Variants in ZNF667 observed in about 807,000 individuals in gnomAD.
ZNF667 encodes the protein zinc finger protein 667, also known as myocardial ischemic preconditioning upregulated 1 ortholog.
In ZNF667, 13 loss-of-function variants were observed where a neutral mutation model predicts 31.8. The ratio of observed to expected loss-of-function variants is 0.41; its 90% CI spans 0.27 to 0.65. ZNF667 has a LOEUF of 0.65. ZNF667 is among the 30% of genes least tolerant of loss of function. ZNF667 has a pLI of 0.32. For synonymous variants in ZNF667, 228 were observed against 247.1 expected (o/e 0.92, Z 0.73); for missense variants, 642 against 725.6 (o/e 0.88, Z 1.32).
rs146784843 is a variant in ZNF667, at chr19:56,462,409, C to CAG, written c.-41_-40dup. ...TTTAGGGTCCACACTGAGAGATGGG[C>CAG]AGAGAGCTGGTAAGGCAGGGCTGTG... On this transcript the variant is annotated 5_prime_UTR_variant, in exon 4 of 7. Transcript: ENST00000504904. 9.6e-3 allele frequency: 15,528 copies of CAG among 1,613,710 alleles called. 172 individuals are homozygous for CAG. Among genetic ancestry groups the CAG allele is most frequent in the Admixed American group, 0.041 (2,486 of 60,016 alleles).
intron 6 of ZNF667, among the ~76,000 whole-genome samples, chr19:56,450,823 G>A (rs2042806740): frequency 6.6e-6 from 1 of 151,964 alleles, no homozygotes; most frequent in Non-Finnish European, 1.5e-5. Flanking sequence ...TGGGTTATAA[G>A]ATATTATTTA....
chr19:56,450,449 C>G (rs1309948469), intron 6 of ZNF667, among the ~76,000 whole-genome samples: 1 of 152,122 alleles, frequency 6.6e-6, no homozygotes, highest in African/African-American at 2.4e-5. Flanking sequence ...AACACCAGAC[C>G]TCTCCTACAA....
At chr19:56,444,277 G>A (rs2042677401) in intron 6 of ZNF667, 1 of 398,462 alleles carries the variant, frequency 2.5e-6, no homozygotes, top group African/African-American at 2.1e-5. Context: ...AGGCCTCAGT[G>A]AGCTCTTACT....
intron 6 of ZNF667, among the ~76,000 whole-genome samples, chr19:56,452,298 C>T (rs1427306829): frequency 2.6e-5 from 4 of 152,102 alleles, no homozygotes; most frequent in African/African-American, 4.8e-5. Flanking sequence ...GATCCGCCCA[C>T]CTCGGCCTCC....
chr19:56,441,669 A>C lies in ZNF667; in HGVS notation c.1326T>G (p.Pro442=), dbSNP rs748296008. Residue 442 remains proline (P), a synonymous_variant, in exon 7 of 7, where the codon CCT becomes CCG. Transcript: ENST00000504904. The surrounding 1 kb of genome is among the most constrained non-coding windows in gnomAD (Gnocchi z 4.2). The part of the protein sequence containing the change: ...IHQNIHSEEK[P]FKCNKCSKVF... The stretch of plus-strand genomic sequence containing the variant: ...CTTTACTACATTTATTGCATTTGAA[A>C]GGTTTCTCTTCAGAATGAATATTCT... The C allele has an allele frequency of 6.2e-7, 1 of 1,613,950 alleles. No individual in the cohort carries two copies. Among genetic ancestry groups the C allele is most frequent in the African/African-American group, 1.3e-5 (1 of 74,892 alleles).
intron 6 of ZNF667, 106 bp from the exon 7 acceptor site, chr19:56,442,847 A>T: frequency 7.3e-7 from 1 of 1,362,326 alleles, no homozygotes; most frequent in Non-Finnish European, 9.6e-7. Context: ...AACAATTATG[A>T]TTACCAAAAC....
At chr19:56,464,687 CTTT>C (rs2043121925) in intron 3 of ZNF667, among the ~76,000 whole-genome samples, 1 of 152,162 alleles carries the variant, frequency 6.6e-6, no homozygotes, top group African/African-American at 2.4e-5. Context: ...AAAACAGCTT[CTTT>C]ATGTGGGTGT....
At chr19:56,449,692 A>G (rs903854802) in intron 6 of ZNF667, 7 of 152,084 alleles carry the variant, frequency 4.6e-5, no homozygotes, top group African/African-American at 1.7e-4. Context: ...CTCAAAAAAA[A>G]AAAAAAAAAA....
chr19:56,442,524 G>C lies in ZNF667; in HGVS notation c.471C>G (p.Phe157Leu). ...NDCGKTFSRS[F>L]SLKLHQNIHT... ...GAATGTTCTGATGAAGTTTAAGAGA[G>C]AAGCTTCGACTAAAGGTTTTACCAC... Residue 157 changes from phenylalanine (F) to leucine (L), a missense_variant, in exon 7 of 7, where the codon TTC becomes TTG. By Grantham distance (22) the Phe-to-Leu change is conservative. Coordinates refer to ENST00000504904, the MANE Select transcript of ZNF667 (RefSeq NM_001321356.2). The C allele has an allele frequency of 6.2e-6, 10 of 1,613,742 alleles. No homozygotes were observed. Among genetic ancestry groups the C allele is most frequent in the Non-Finnish European group, 8.5e-6 (10 of 1,179,880 alleles).
At chr19:56,470,502 G>A (rs916054475) in intron 3 of ZNF667, among the ~76,000 whole-genome samples, 2 of 152,104 alleles carry the variant, frequency 1.3e-5, no homozygotes, top group Non-Finnish European at 2.9e-5. Context: ...ACGATGACCC[G>A]CCTGTTGTCA....
intron 1 of ZNF667, 148 bp downstream of exon 1, chr19:56,477,117 CAGGCGCG>C (rs1382240857): frequency 6.6e-6 from 1 of 152,248 alleles, no homozygotes; most frequent in Non-Finnish European, 1.5e-5. Flanking sequence ...AGAACCCACG[CAGGCGCG>C]AGCCCACCGC....
At chr19:56,443,769 TA>T (rs1303107147) in intron 6 of ZNF667, among the ~76,000 whole-genome samples, 2 of 152,134 alleles carry the variant, frequency 1.3e-5, no homozygotes. Flanking sequence ...GAGATTAGAC[TA>T]AAAGAAGGAA....
Position 56,441,168 on chromosome 19 carries a change from T to G in ZNF667, c.1827A>C (p.Lys609Asn). The change falls in exon 7 of 7, where the codon AAA becomes AAC. Residue 609 changes from lysine (K) to asparagine (N), a missense_variant. Lys to Asn is a moderately conservative substitution (Grantham distance 94, BLOSUM62 0). Transcript: ENST00000504904. This position sits in a 1 kb window ranked among gnomAD's most constrained non-coding sequence, Gnocchi z 4.2. ...TTATAGATTTAAAACAACCTTAGGCTTTTTCTTCAGAATGTGTATTCTGAT... is the reference window on the plus strand; with the variant it reads ...TTATAGATTTAAAACAACCTTAGGCGTTTTCTTCAGAATGTGTATTCTGAT... Reference protein sequence around the residue: ...IRHQNTHSEEKA With the variant: ...IRHQNTHSEENA The G allele has an allele frequency of 6.2e-7, 1 of 1,601,538 alleles. No homozygotes were observed. Among genetic ancestry groups the G allele is most frequent in the Non-Finnish European group, 8.5e-7 (1 of 1,171,920 alleles).
intron 6 of ZNF667, among the ~76,000 whole-genome samples, chr19:56,451,031 ACAGAGTG>A (rs2042810942): frequency 6.6e-6 from 1 of 152,210 alleles, no homozygotes; most frequent in South Asian, 2.1e-4. Flanking sequence ...GTCAAAAGCC[ACAGAGTG>A]GCTGGATGAA....
chr19:56,466,518 C>G (rs1400725010), intron 3 of ZNF667, among the ~76,000 whole-genome samples: 1 of 152,174 alleles, frequency 6.6e-6, no homozygotes, highest in Non-Finnish European at 1.5e-5. Context: ...CACCCCACTT[C>G]TCTGGTGCTC....
rs200087561 is a variant in ZNF667 at position 56,460,638 on chromosome 19, G to C, written c.160+51C>G. The C allele has an allele frequency of 1.9e-5, 30 of 1,568,676 alleles. No individual in the cohort carries two copies. In the African/African-American group the frequency reaches 3.5e-4, roughly 19 times the overall value. On this transcript the variant is annotated intron_variant, in intron 5 of 6. Transcript: ENST00000504904. ...TTTTCCTGACTAGACCCAGAGTGAT[G>C]CATGTCCCTCAATAGGCTGGTTCTG...
intron 6 of ZNF667, among the ~76,000 whole-genome samples, chr19:56,448,952 C>T (rs1367870255): frequency 1.3e-5 from 2 of 152,134 alleles, no homozygotes; most frequent in African/African-American, 4.8e-5. Context: ...CTCTAGGCAG[C>T]TCAGCACAGA....
At chr19:56,449,185 GA>G in intron 6 of ZNF667, 1 of 340,028 alleles carries the variant, frequency 2.9e-6, no homozygotes, top group Admixed American at 3.8e-5. Context: ...GTCTTCTCTG[GA>G]AGGACTAGTA....
At chr19:56,463,531 CTTT>C (rs911298507) in intron 3 of ZNF667, among the ~76,000 whole-genome samples, 16 of 151,270 alleles carry the variant, frequency 1.1e-4, no homozygotes, top group Non-Finnish European at 1.8e-4. Context: ...ATTTTCTTCC[CTTT>C]TTTTTTCTTT....
Sources: gnomAD v4.1 joint callset for allele counts (sites outside exome capture counted in the v4.1 genomes callset) on GRCh38, gnomAD v4.1.1 for gene constraint, Gnocchi (gnomAD v3.1) non-coding constraint, MANE v1.5 for transcripts, NCBI Gene and HGNC (gene_info 2026-07-23, HGNC 2026-07-21) for gene names.